The following SGCB variants were observed in gnomAD, a reference collection of about 807,000 sequenced individuals.
SGCB encodes the protein sarcoglycan beta.
A neutral mutation model predicts 27.3 loss-of-function variants in SGCB; 25 were observed. The observed-to-expected ratio is 0.92, with a 90% CI of 0.67 to 1.28. The LOEUF (loss-of-function observed/expected upper bound fraction) is 1.28, where lower values mean the gene tolerates loss of function less well. SGCB is among the 50% of genes most tolerant of loss of function. SGCB has a pLI of 0.00. For missense variants in SGCB, 436 were observed against 402.1 expected (o/e 1.08, Z -0.72); for synonymous variants, 147 against 133.5 (o/e 1.10, Z -0.70).
intron 5 of SGCB, 107 bp downstream of exon 5, chr4:52,027,861 A>C (rs1386007057): frequency 6.3e-6 from 7 of 1,106,232 alleles, no homozygotes; most frequent in Non-Finnish European, 8.0e-6. Context: ...TTTCCATGTC[A>C]AAAAATAGAC....
At chr4:52,032,505 T>C (rs895582505) in intron 2 of SGCB, among the ~76,000 whole-genome samples, 1 of 152,236 alleles carries the variant, frequency 6.6e-6, no homozygotes. Flanking sequence ...TGCTGCCATC[T>C]TGACCAGAAG....
rs1471593466 is a variant in SGCB at position 52,021,093 on chromosome 4, C to G, written c.*2864G>C. 1 of 152,144 alleles carries G rather than the reference C, an allele frequency of 6.6e-6. No homozygotes were observed. The highest frequency in any genetic ancestry group is 2.4e-5 in the African/African-American group (1 of 41,428). The allele number at this position is 152,144 out of a possible 1,614,324, so 9.4% of individuals were successfully genotyped here. A position where few individuals can be genotyped will look rare whatever the true frequency, so the allele number is the denominator to read the frequency against. ...TTTGTGTGGTTTTACATTTTTCTGT[C>G]TGCCCATTATTAAGAAATCTTGCAT... On this transcript the variant is annotated 3_prime_UTR_variant, in exon 6 of 6. Coordinates refer to ENST00000381431, the MANE Select transcript of SGCB (RefSeq NM_000232.5).
chr4:52,036,349 G>A (rs1430194157), intron 1 of SGCB, among the ~76,000 whole-genome samples: 2 of 152,204 alleles, frequency 1.3e-5, no homozygotes, highest in African/African-American at 4.8e-5. Flanking sequence ...GAGAAGGATA[G>A]GTGTAGGGAT....
At position 52,038,260 on chromosome 4, in the gene SGCB, C is replaced by T; in HGVS notation, c.-1G>A. The T allele has an allele frequency of 1.5e-6, 2 of 1,296,408 alleles. No individual in the cohort carries two copies. The highest frequency in any genetic ancestry group is 2.0e-6 in the Non-Finnish European group (2 of 1,019,936). The allele number at this position is 1,296,408 out of a possible 1,614,324, so 80.3% of individuals were successfully genotyped here. A position where few individuals can be genotyped will look rare whatever the true frequency, so the allele number is the denominator to read the frequency against. ...CAGCCGCCGCCGCCGCTGCCGCCAT[C>T]TTCCCGCGCCCGCCGCCGCCGAGCT... On this transcript the variant is annotated 5_prime_UTR_variant, in exon 1 of 6. Transcript: ENST00000381431.
intron 4 of SGCB, among the ~76,000 whole-genome samples, chr4:52,028,513 G>A (rs1359293373): frequency 6.6e-6 from 1 of 152,110 alleles, no homozygotes; most frequent in Non-Finnish European, 1.5e-5. Context: ...GCGCGCGCCT[G>A]TAGTCCCAGC....
At chr4:52,031,351 C>G (rs1250724557) in intron 2 of SGCB, among the ~76,000 whole-genome samples, 1 of 151,270 alleles carries the variant, frequency 6.6e-6, no homozygotes, top group Non-Finnish European at 1.5e-5. Flanking sequence ...TACCTACCTA[C>G]CTACCTACCT....
rs1233335770 is a variant in SGCB, at chr4:52,031,824, C to A, written c.243+1607G>T. On this transcript the variant is annotated intron_variant, in intron 2 of 5. Coordinates refer to ENST00000381431, the MANE Select transcript of SGCB (RefSeq NM_000232.5). ...ATTATTTGAGGGGTAGGGCTTGTGA[C>A]TGACAGGTGTCACAAGAGGGAAATT... is the stretch of plus-strand genomic sequence containing the variant. 6.3e-5 allele frequency: 28 copies of A among 446,468 alleles called. No homozygotes were observed. In the Admixed American group the frequency reaches 6.7e-4, roughly 11 times the overall value. 27.7% of individuals were successfully genotyped at this position (446,468 alleles called of 1,614,324 possible).
chr4:52,024,080 A>G lies in SGCB; in HGVS notation c.834T>C (p.Gly278=), dbSNP rs772207314. 20 of 1,613,896 alleles carry G rather than the reference A, an allele frequency of 1.2e-5. No homozygotes were observed. In the Admixed American group the frequency reaches 1.3e-4, roughly 11 times the overall value. ...LPSSSSGDQL[G]SGDWVRYKLC... is the part of the protein sequence containing the mutation. ...GCTTGTAGCGTACCCAGTCACCACT[A>G]CCCAACTGGTCTCCACTGGAGGAAC... Residue 278 remains glycine (G), a synonymous_variant, in exon 6 of 6, where the codon GGT becomes GGC. Transcript: ENST00000381431.
intron 1 of SGCB, among the ~76,000 whole-genome samples, chr4:52,035,128 T>C (rs1737352439): frequency 6.6e-6 from 1 of 152,100 alleles, no homozygotes; most frequent in Admixed American, 6.5e-5. Flanking sequence ...ACAAAAGAAA[T>C]GGGCAGAAAT....
At chr4:52,025,670 A>G (rs1224245327) in intron 5 of SGCB, among the ~76,000 whole-genome samples, 1 of 152,252 alleles carries the variant, frequency 6.6e-6, no homozygotes, top group African/African-American at 2.4e-5. Context: ...TCTTTTTAAA[A>G]TGGCCACTCT....
At chr4:52,034,663 G>C (rs546101017) in intron 1 of SGCB, among the ~76,000 whole-genome samples, 1 of 152,102 alleles carries the variant, frequency 6.6e-6, no homozygotes, top group East Asian at 1.9e-4. Flanking sequence ...TCATTTATAT[G>C]AAAATAAGAC....
At chr4:52,026,994 C>T (rs1164730760) in intron 5 of SGCB, among the ~76,000 whole-genome samples, 1 of 152,164 alleles carries the variant, frequency 6.6e-6, no homozygotes, top group Non-Finnish European at 1.5e-5. Context: ...GCAAGAATTA[C>T]ATTTTATGTC....
Position 52,022,838 on chromosome 4 carries a change from A to C in SGCB, c.*1119T>G, listed in dbSNP as rs1192779683. The C allele has an allele frequency of 1.3e-5, 2 of 151,980 alleles. No individual in the cohort carries two copies. The highest frequency in any genetic ancestry group is 3.9e-4 in the East Asian group (2 of 5,174). 9.4% of individuals were successfully genotyped at this position (151,980 alleles called of 1,614,324 possible). On this transcript the variant is annotated 3_prime_UTR_variant, in exon 6 of 6. Coordinates refer to ENST00000381431, the MANE Select transcript of SGCB (RefSeq NM_000232.5). ...GGTAACTCAGAAGTAGGTAAATTTG[A>C]CCTCTCCATCGTATAATATTTTGGA...
intron 5 of SGCB, among the ~76,000 whole-genome samples, chr4:52,024,826 T>TA (rs1737045231): frequency 2.1e-4 from 12 of 56,818 alleles, no homozygotes; most frequent in South Asian, 6.9e-4. Context: ...AGACACTGTC[T>TA]CAAAAAAAAA....
chr4:52,024,827 CAAAAAAAAA>C (rs3050627), intron 5 of SGCB, among the ~76,000 whole-genome samples: 10 of 55,914 alleles, frequency 1.8e-4, no homozygotes, highest in African/African-American at 6.9e-4. Context: ...GACACTGTCT[CAAAAAAAAA>C]AAAAAAAAAA....
chr4:52,031,305 GTTTT>G (rs370818227), intron 2 of SGCB, among the ~76,000 whole-genome samples: 1 of 151,846 alleles, frequency 6.6e-6, no homozygotes, highest in African/African-American at 2.4e-5. Context: ...TTCTGGAAGA[GTTTT>G]TTTATCTTCT....
intron 5 of SGCB, among the ~76,000 whole-genome samples, chr4:52,025,499 G>T (rs1370699280): frequency 6.6e-6 from 1 of 152,206 alleles, no homozygotes; most frequent in Non-Finnish European, 1.5e-5. Flanking sequence ...ACAGCTATGA[G>T]GCCAGTGTGG....
At chr4:52,033,378 C>A (rs190028565) in intron 2 of SGCB, 53 bp downstream of exon 2, 29 of 1,102,186 alleles carry the variant, frequency 2.6e-5, no homozygotes, top group East Asian at 2.1e-4. Context: ...CACTATAAAG[C>A]AGATAAAAAA....
chr4:52,030,809 TC>T (rs938496521), intron 2 of SGCB, among the ~76,000 whole-genome samples: 1 of 152,216 alleles, frequency 6.6e-6, no homozygotes, highest in African/African-American at 2.4e-5. Context: ...GTAGAGCACA[TC>T]CTCCAGTGGC....
Sources: gnomAD v4.1 joint callset for allele counts (sites outside exome capture counted in the v4.1 genomes callset) on GRCh38, gnomAD v4.1.1 for gene constraint, MANE v1.5 for transcripts, NCBI Gene and HGNC (gene_info 2026-07-23, HGNC 2026-07-21) for gene names.